MAGI2: variants seen among roughly 807,000 people sequenced by gnomAD.
MAGI2 encodes the protein membrane associated guanylate kinase, WW and PDZ domain containing 2.
In MAGI2, 35 loss-of-function variants were observed where a neutral mutation model predicts 133.3. The observed-to-expected ratio is 0.26, with a 90% CI of 0.20 to 0.35. The LOEUF is 0.35. MAGI2 is among the 10% of genes least tolerant of loss of function. MAGI2 has a pLI of 1.00. For missense variants in MAGI2, 1,636 were observed against 1,863.4 expected, an observed-to-expected ratio of 0.88 and a Z score of 2.25; for synonymous variants, 729 against 710.6, an observed-to-expected ratio of 1.03 and a Z score of -0.41.
intron 10 of MAGI2, chr7:78,253,773 TA>T (rs1792676266): frequency 6.6e-6 from 1 of 152,144 alleles, no homozygotes. Context: ...CTTTATAAAT[TA>T]AAAACTCTAG....
intron 4 of MAGI2, among the ~76,000 whole-genome samples, chr7:78,511,826 T>C (rs1301790915): frequency 1.3e-5 from 2 of 151,442 alleles, no homozygotes; most frequent in Non-Finnish European, 2.9e-5. Flanking sequence ...CTGGGCGCAG[T>C]GGCTCATGCC....
intron 2 of MAGI2, among the ~76,000 whole-genome samples, chr7:78,665,141 T>G (rs73145147): frequency 0.062 from 9,481 of 152,200 alleles, 417 homozygotes; most frequent in East Asian, 0.11. Context: ...GTCAAATTTG[T>G]ATACATATCT....
At chr7:79,124,985 G>C (rs1820272590) in intron 1 of MAGI2, 2 of 273,908 alleles carry the variant, frequency 7.3e-6, no homozygotes, top group Non-Finnish European at 1.4e-5. Context: ...AAGAGTTGTG[G>C]AAGCAAAGAG....
intron 1 of MAGI2, among the ~76,000 whole-genome samples, chr7:79,282,300 G>C (rs1002220943): frequency 1.3e-5 from 2 of 152,120 alleles, no homozygotes; most frequent in Non-Finnish European, 2.9e-5. Flanking sequence ...GCTGCGGCAG[G>C]CTTGCTTGCG....
intron 3 of MAGI2, among the ~76,000 whole-genome samples, chr7:78,573,365 A>AATAGATATATATATAT (rs1801908403): frequency 3.4e-5 from 1 of 29,048 alleles, no homozygotes; most frequent in African/African-American, 1.8e-4. Flanking sequence ...GAATCCTGGA[A>AATAGATATATATATAT]ATATATATAT....
chr7:78,169,147 A>G (rs1825883196), intron 14 of MAGI2, among the ~76,000 whole-genome samples: 1 of 152,226 alleles, frequency 6.6e-6, no homozygotes, highest in South Asian at 2.1e-4. Context: ...ATGTCCCATT[A>G]GAGGCACTCA....
chr7:78,160,003 G>A, intron 16 of MAGI2, 22 bp downstream of exon 16: 2 of 1,528,746 alleles, frequency 1.3e-6, no homozygotes, highest in Non-Finnish European at 1.8e-6. Flanking sequence ...TTATTCAAAT[G>A]CAGGCAAATT....
chr7:79,261,264 A>G (rs1457273261), intron 1 of MAGI2, among the ~76,000 whole-genome samples: 1 of 152,134 alleles, frequency 6.6e-6, no homozygotes, highest in Non-Finnish European at 1.5e-5. Flanking sequence ...TTGTGGTTCA[A>G]ATTTATTGTC....
At chr7:78,066,138 C>T (rs920212405) in intron 21 of MAGI2, among the ~76,000 whole-genome samples, 2 of 152,096 alleles carry the variant, frequency 1.3e-5, no homozygotes, top group African/African-American at 2.4e-5. Context: ...TCATAGAGTT[C>T]CCCTTACCAC....
chr7:79,300,225 T>C (rs538126675), intron 1 of MAGI2, among the ~76,000 whole-genome samples: 48 of 152,242 alleles, frequency 3.2e-4, no homozygotes, highest in African/African-American at 1.1e-3. Context: ...GAAGACAAGA[T>C]GATGAGAGAA....
At chr7:79,054,821 C>T (rs531637842) in intron 1 of MAGI2, among the ~76,000 whole-genome samples, 16 of 152,296 alleles carry the variant, frequency 1.1e-4, no homozygotes, top group East Asian at 1.9e-4. Context: ...GACGGAGTCC[C>T]GCTCTGTCAC....
intron 1 of MAGI2, among the ~76,000 whole-genome samples, chr7:79,306,397 AGT>A (rs1837818250): frequency 6.6e-6 from 1 of 150,864 alleles, no homozygotes; most frequent in Non-Finnish European, 1.5e-5. Context: ...CTTCGGCTTA[AGT>A]GATTCTCCCA....
At chr7:78,624,107 T>TTGG (rs1286058934) in intron 3 of MAGI2, among the ~76,000 whole-genome samples, 1 of 152,158 alleles carries the variant, frequency 6.6e-6, no homozygotes, top group Non-Finnish European at 1.5e-5. Context: ...TTCATGTTTG[T>TTGG]TGGCCACTTG....
intron 12 of MAGI2, among the ~76,000 whole-genome samples, chr7:78,194,085 G>A (rs752876211): frequency 8.5e-5 from 13 of 152,132 alleles, no homozygotes; most frequent in East Asian, 1.9e-4. Context: ...TAATGGGAGC[G>A]CCAGGGACCA....
At chr7:79,117,086 T>C (rs933642261) in intron 1 of MAGI2, among the ~76,000 whole-genome samples, 7 of 152,174 alleles carry the variant, frequency 4.6e-5, no homozygotes, top group African/African-American at 9.7e-5. Context: ...CAAGTGCACA[T>C]ATGACTTGAA....
intron 6 of MAGI2, among the ~76,000 whole-genome samples, chr7:78,483,760 A>T (rs926403778): frequency 6.6e-6 from 1 of 151,994 alleles, no homozygotes; most frequent in Admixed American, 6.6e-5. Flanking sequence ...GCACATCATG[A>T]TTAATACCAG....
At chr7:79,288,572 A>C (rs1836211397) in intron 1 of MAGI2, among the ~76,000 whole-genome samples, 1 of 152,154 alleles carries the variant, frequency 6.6e-6, no homozygotes, top group African/African-American at 2.4e-5. Flanking sequence ...ATGTTCCCTT[A>C]GAACACATTC....
chr7:78,684,293 G>C (rs1585076603), intron 2 of MAGI2, among the ~76,000 whole-genome samples: 2 of 152,210 alleles, frequency 1.3e-5, no homozygotes, highest in East Asian at 3.9e-4. Flanking sequence ...TATCAAAGAA[G>C]AGAATAATTA....
intron 2 of MAGI2, among the ~76,000 whole-genome samples, chr7:78,823,405 A>C (rs1790310030): frequency 6.6e-6 from 1 of 152,078 alleles, no homozygotes; most frequent in African/African-American, 2.4e-5. Context: ...AACATGGTGA[A>C]ACCCCACCTC....
Sources: allele counts gnomAD v4.1 joint callset (sites outside exome capture counted in the v4.1 genomes callset), GRCh38; gene constraint gnomAD v4.1.1; transcripts MANE v1.5; gene names NCBI Gene and HGNC (gene_info 2026-07-23, HGNC 2026-07-21).